Variants in TRPM3 observed in about 807,000 individuals in gnomAD.
TRPM3 encodes the protein transient receptor potential cation channel subfamily M member 3, also known as long transient receptor potential channel 3.
TRPM3 carries 77 observed loss-of-function variants against 181.2 expected under a neutral mutation model. The ratio of observed to expected loss-of-function variants is 0.42; its 90% CI spans 0.35 to 0.51. The LOEUF (loss-of-function observed/expected upper bound fraction) is 0.51. TRPM3 is among the 20% of genes least tolerant of loss of function. The probability of loss-of-function intolerance (pLI) is 0.01; values close to 1 mark genes in which losing one functional copy is unlikely to be tolerated. For synonymous variants in TRPM3, 745 were observed against 796.4 expected (o/e 0.94, Z 1.09); for missense variants, 1,759 against 2,196.7 (o/e 0.80, Z 3.98).
Position 70,784,238 on chromosome 9 carries a change from C to A in TRPM3, c.1015G>T (p.Gly339Ter). The A allele has an allele frequency of 6.2e-7, 1 of 1,613,170 alleles. No individual in the cohort carries two copies. The highest frequency in any genetic ancestry group is 1.7e-5 in the Admixed American group (1 of 59,960). Residue 339 changes from glycine (G) to a stop codon, truncating the protein, a stop_gained, in exon 7 of 26, where the codon GGA becomes TGA. Coordinates refer to ENST00000677713, the MANE Select transcript of TRPM3 (RefSeq NM_001366145.2). LOFTEE classifies it high-confidence loss of function. ...GVPVVALIVE[G>*]GPNVISIVLE... ...ACAATCGAGATCACATTGGGTCCTC[C>A]TTCCACTATGAGTGCCACCACAGGA... is the stretch of plus-strand genomic sequence containing the variant.
intron 1 of TRPM3, among the ~76,000 whole-genome samples, chr9:71,232,371 C>A (rs1340417840): frequency 1.3e-5 from 2 of 151,882 alleles, no homozygotes; most frequent in Admixed American, 6.6e-5. Context: ...AAGACACATG[C>A]TATCAATGAT....
At chr9:71,006,602 G>A (rs1250238140) in intron 1 of TRPM3, among the ~76,000 whole-genome samples, 1 of 152,162 alleles carries the variant, frequency 6.6e-6, no homozygotes, top group East Asian at 1.9e-4. Flanking sequence ...GGGTATGGTG[G>A]CTCACGCCTG....
chr9:70,616,201 C>T (rs2062753898), intron 17 of TRPM3, 126 bp from the exon 18 acceptor site: 2 of 571,092 alleles, frequency 3.5e-6, no homozygotes, highest in African/African-American at 1.9e-5. Context: ...TGTACACATG[C>T]ACACACAGTT....
intron 1 of TRPM3, among the ~76,000 whole-genome samples, chr9:71,370,715 G>A (rs572926074): frequency 6.6e-6 from 1 of 152,212 alleles, no homozygotes; most frequent in Non-Finnish European, 1.5e-5. Context: ...CAGAGATCTA[G>A]ATACAATAAT....
chr9:70,938,454 A>G (rs1478308694), intron 1 of TRPM3, among the ~76,000 whole-genome samples: 3 of 152,052 alleles, frequency 2.0e-5, no homozygotes, highest in African/African-American at 7.2e-5. Context: ...TTTGGTGAAT[A>G]TGTCTCTATT....
chr9:70,840,914 T>G (rs2094587814), intron 5 of TRPM3, among the ~76,000 whole-genome samples: 1 of 152,262 alleles, frequency 6.6e-6, no homozygotes, highest in South Asian at 2.1e-4. Flanking sequence ...AATGAGGAAG[T>G]TCAAAGTAGT....
intron 1 of TRPM3, among the ~76,000 whole-genome samples, chr9:71,296,857 C>A (rs1280180715): frequency 6.6e-6 from 1 of 152,044 alleles, no homozygotes; most frequent in Non-Finnish European, 1.5e-5. Flanking sequence ...ACTAATTGAG[C>A]TCATAAGTTT....
Position 70,603,365 on chromosome 9 carries a change from G to A in TRPM3, c.2773C>T (p.Leu925=), listed in dbSNP as rs2060438531. The A allele has an allele frequency of 6.2e-7, 1 of 1,613,592 alleles. No individual in the cohort carries two copies. Among genetic ancestry groups the A allele is most frequent in the Non-Finnish European group, 8.5e-7 (1 of 1,179,804 alleles). Reference sequence around the variant, plus strand: ...ACCTCTCTCATCTTTTCTATTCCCAGGGTGAAAATATAGGAGATTACGATC... The same window carrying A: ...ACCTCTCTCATCTTTTCTATTCCCAAGGTGAAAATATAGGAGATTACGATC... The part of the protein sequence containing the change: ...EWIVISYIFT[L]GIEKMREILM... Residue 925 remains leucine (L), a synonymous_variant, in exon 20 of 26, where the codon CTG becomes TTG. Coordinates refer to ENST00000677713, the MANE Select transcript of TRPM3 (RefSeq NM_001366145.2).
intron 9 of TRPM3, among the ~76,000 whole-genome samples, chr9:70,679,242 T>C (rs183306541): frequency 1.4e-4 from 22 of 152,356 alleles, no homozygotes; most frequent in Non-Finnish European, 2.5e-4. Context: ...TATTATTTCA[T>C]CTACATTAAT....
intron 6 of TRPM3, among the ~76,000 whole-genome samples, chr9:70,821,046 A>G (rs2093122932): frequency 6.6e-6 from 1 of 152,218 alleles, no homozygotes; most frequent in Non-Finnish European, 1.5e-5. Flanking sequence ...CGAATTTGCA[A>G]CCAGAAAAGA....
intron 1 of TRPM3, among the ~76,000 whole-genome samples, chr9:71,020,991 C>T (rs1335722547): frequency 6.6e-6 from 1 of 152,216 alleles, no homozygotes. Flanking sequence ...AAATGGCCAT[C>T]AGAGTTTGAA....
chr9:70,678,786 A>G (rs1025046159), intron 9 of TRPM3, among the ~76,000 whole-genome samples: 1 of 152,264 alleles, frequency 6.6e-6, no homozygotes, highest in Non-Finnish European at 1.5e-5. Flanking sequence ...ATGCCCACGC[A>G]TAATTCAAAA....
At chr9:71,017,282 T>G (rs2097792417) in intron 1 of TRPM3, among the ~76,000 whole-genome samples, 1 of 151,968 alleles carries the variant, frequency 6.6e-6, no homozygotes. Context: ...AAAAGGAACT[T>G]AAAAGATATA....
intron 1 of TRPM3, among the ~76,000 whole-genome samples, chr9:71,004,385 CA>C (rs2097650916): frequency 6.6e-6 from 1 of 152,228 alleles, no homozygotes; most frequent in Non-Finnish European, 1.5e-5. Context: ...AGTTCCTGTG[CA>C]GTGTTTACAT....
intron 1 of TRPM3, among the ~76,000 whole-genome samples, chr9:71,320,784 A>G (rs1397884160): frequency 6.6e-6 from 1 of 152,098 alleles, no homozygotes; most frequent in African/African-American, 2.4e-5. Context: ...AACCTACTTG[A>G]AAAATCCTCT....
At chr9:71,205,465 G>A (rs148983303) in intron 1 of TRPM3, among the ~76,000 whole-genome samples, 287 of 152,218 alleles carry the variant, frequency 1.9e-3, no homozygotes, top group Non-Finnish European at 2.8e-3. Flanking sequence ...TAGAGAGTGC[G>A]TAAGAAGGAA....
At chr9:71,220,443 C>T (rs1270327625) in intron 1 of TRPM3, among the ~76,000 whole-genome samples, 1 of 151,662 alleles carries the variant, frequency 6.6e-6, no homozygotes, top group Non-Finnish European at 1.5e-5. Flanking sequence ...AAAGCTAATT[C>T]CAGACCATGT....
chr9:70,602,589 T>C (rs2060258468), intron 20 of TRPM3, among the ~76,000 whole-genome samples: 1 of 152,200 alleles, frequency 6.6e-6, no homozygotes, highest in Non-Finnish European at 1.5e-5. Flanking sequence ...TCCTAATGGC[T>C]TTCCCTGATG....
intron 1 of TRPM3, among the ~76,000 whole-genome samples, chr9:71,030,667 A>T (rs1461438793): frequency 6.6e-6 from 1 of 152,104 alleles, no homozygotes; most frequent in Non-Finnish European, 1.5e-5. Flanking sequence ...TATTTTATAT[A>T]GATAAGGTTA....
Sources: allele counts gnomAD v4.1 joint callset (sites outside exome capture counted in the v4.1 genomes callset), GRCh38; gene constraint gnomAD v4.1.1; transcripts MANE v1.5; gene names NCBI Gene and HGNC (gene_info 2026-07-23, HGNC 2026-07-21).